Variants in SLC8A1 observed in about 807,000 individuals in gnomAD.
The protein encoded by SLC8A1 is sodium/calcium exchanger 1.
Under a neutral mutation model 68.3 loss-of-function variants are expected in SLC8A1, and 18 were observed. The observed-to-expected ratio is 0.26, with a 90% CI of 0.18 to 0.39. SLC8A1 has a LOEUF of 0.39. SLC8A1 is among the 10% of genes least tolerant of loss of function. The pLI, the probability that SLC8A1 is intolerant of heterozygous loss-of-function variation, is 1.00. For synonymous variants in SLC8A1, 475 were observed against 415.5 expected (o/e 1.14, Z -1.74); for missense variants, 985 against 1,156.7 (o/e 0.85, Z 2.15).
intron 2 of SLC8A1, among the ~76,000 whole-genome samples, chr2:40,359,938 A>T (rs1674063755): frequency 6.6e-6 from 1 of 152,106 alleles, no homozygotes; most frequent in Non-Finnish European, 1.5e-5. Flanking sequence ...ACTTAAAAAA[A>T]AAAAAAAAAC....
intron 7 of SLC8A1, among the ~76,000 whole-genome samples, chr2:40,124,650 A>T (rs17559580): frequency 0.37 from 56,671 of 152,198 alleles, 11,592 homozygotes; most frequent in Middle Eastern, 0.51. Context: ...TGGCCCAGCA[A>T]TTCTCTACTT....
chr2:40,163,851 G>GT (rs201164338), intron 5 of SLC8A1, among the ~76,000 whole-genome samples: 2,037 of 152,280 alleles, frequency 0.013, 16 homozygotes, highest in Non-Finnish European at 0.021. Context: ...CATTTGTGAA[G>GT]TAAATTAAAA....
At chr2:40,503,493 A>G (rs1446284522) in intron 1 of SLC8A1, among the ~76,000 whole-genome samples, 1 of 152,032 alleles carries the variant, frequency 6.6e-6, no homozygotes, top group African/African-American at 2.4e-5. Context: ...AAGGGCATCC[A>G]TATTTGACAG....
intron 2 of SLC8A1, among the ~76,000 whole-genome samples, chr2:40,426,695 AAC>A (rs1337883580): frequency 1.3e-5 from 2 of 151,998 alleles, no homozygotes; most frequent in East Asian, 3.9e-4. Flanking sequence ...AACAAAACAA[AAC>A]ACAGATTTAA....
At chr2:40,232,391 G>GT (rs1371594830) in intron 2 of SLC8A1, among the ~76,000 whole-genome samples, 1,350 of 54,448 alleles carry the variant, frequency 0.025, 17 homozygotes, top group African/African-American at 0.067. Flanking sequence ...TATGGTGCAA[G>GT]TTATTTTTTT....
At chr2:40,321,144 G>A (rs181688998) in intron 2 of SLC8A1, among the ~76,000 whole-genome samples, 1 of 152,178 alleles carries the variant, frequency 6.6e-6, no homozygotes, top group Admixed American at 6.6e-5. Flanking sequence ...CAAATTAAAG[G>A]GGATATGAGA....
intron 2 of SLC8A1, among the ~76,000 whole-genome samples, chr2:40,408,432 A>T (rs1006304454): frequency 6.6e-5 from 10 of 152,212 alleles, no homozygotes; most frequent in Non-Finnish European, 8.8e-5. Flanking sequence ...CTAAGTGAAG[A>T]GATTCTCTCC....
At chr2:40,284,266 TATATA>T (rs1429101312) in intron 2 of SLC8A1, among the ~76,000 whole-genome samples, 3 of 149,984 alleles carry the variant, frequency 2.0e-5, no homozygotes, top group African/African-American at 7.3e-5. Context: ...TATATATAAA[TATATA>T]GAGACATCTC....
intron 2 of SLC8A1, among the ~76,000 whole-genome samples, chr2:40,211,426 T>C (rs370238832): frequency 1.3e-5 from 2 of 152,294 alleles, no homozygotes; most frequent in African/African-American, 4.8e-5. Flanking sequence ...TGATTAGAGC[T>C]AAAGGTATAG....
At chr2:40,496,825 C>A (rs938122017) in intron 1 of SLC8A1, among the ~76,000 whole-genome samples, 2 of 148,116 alleles carry the variant, frequency 1.4e-5, no homozygotes, top group Non-Finnish European at 3.0e-5. Flanking sequence ...ACCGCAAGAA[C>A]AAAAAACCAA....
intron 2 of SLC8A1, among the ~76,000 whole-genome samples, chr2:40,341,058 A>G (rs1189766083): frequency 6.6e-6 from 1 of 152,188 alleles, no homozygotes; most frequent in African/African-American, 2.4e-5. Context: ...GTAGAAAGGA[A>G]TGGAGTAGTA....
upstream of SLC8A1, among the ~76,000 whole-genome samples, chr2:40,456,105 A>T (rs1366750501): frequency 1.1e-4 from 16 of 152,164 alleles, no homozygotes; most frequent in Non-Finnish European, 2.9e-5. Flanking sequence ...TCACGAGGTC[A>T]GGAGATCGAG....
intron 2 of SLC8A1, among the ~76,000 whole-genome samples, chr2:40,359,077 A>G (rs1055282695): frequency 6.6e-6 from 1 of 152,180 alleles, no homozygotes; most frequent in African/African-American, 2.4e-5. Context: ...AAAGCTGGGC[A>G]GAAAAGAAGT....
chr2:40,295,902 G>C (rs1483552761), intron 2 of SLC8A1, among the ~76,000 whole-genome samples: 1 of 152,114 alleles, frequency 6.6e-6, no homozygotes, highest in Non-Finnish European at 1.5e-5. Context: ...GAAAGAGCTT[G>C]CCTTTGTGAG....
At chr2:40,506,544 C>A (rs900584454) in intron 1 of SLC8A1, among the ~76,000 whole-genome samples, 5 of 151,762 alleles carry the variant, frequency 3.3e-5, no homozygotes, top group African/African-American at 1.2e-4. Context: ...TCTTCCAAAT[C>A]TTTACATTCC....
intron 1 of SLC8A1, among the ~76,000 whole-genome samples, chr2:40,447,616 C>G (rs1302198595): frequency 6.8e-6 from 1 of 147,364 alleles, no homozygotes; most frequent in Non-Finnish European, 1.5e-5. Context: ...AAAGAAAGAA[C>G]ATATGCTAAT....
chr2:40,430,772 A>G (rs973235939), intron 1 of SLC8A1, among the ~76,000 whole-genome samples: 2 of 152,142 alleles, frequency 1.3e-5, no homozygotes, highest in Non-Finnish European at 2.9e-5. Context: ...TCAATGCCAA[A>G]AGCACCTTAT....
intron 7 of SLC8A1, among the ~76,000 whole-genome samples, chr2:40,121,096 G>A (rs2036664158): frequency 6.6e-6 from 1 of 152,206 alleles, no homozygotes; most frequent in Admixed American, 6.5e-5. Context: ...CAGACAGGAG[G>A]GATGTCGAAG....
chr2:40,198,575 A>G (rs547820907), intron 2 of SLC8A1, among the ~76,000 whole-genome samples: 1 of 152,124 alleles, frequency 6.6e-6, no homozygotes, highest in South Asian at 2.1e-4. Context: ...GACCCAGAGT[A>G]TAAATACAGA....
Sources: gnomAD v4.1 joint callset for allele counts (sites outside exome capture counted in the v4.1 genomes callset) on GRCh38, gnomAD v4.1.1 for gene constraint, MANE v1.5 for transcripts, NCBI Gene and HGNC (gene_info 2026-07-23, HGNC 2026-07-21) for gene names.